Variants in WWOX observed in about 807,000 individuals in gnomAD.
WWOX encodes the protein WW domain-containing oxidoreductase.
Under a neutral mutation model 46.2 loss-of-function variants are expected in WWOX, and 69 were observed. The ratio of observed to expected loss-of-function variants is 1.49; its 90% CI spans 1.23 to 1.82. The LOEUF (loss-of-function observed/expected upper bound fraction) is 1.82. WWOX is among the 40% of genes most tolerant of loss of function. The pLI is 0.00. For missense variants in WWOX, 919 were observed against 542.6 expected, an observed-to-expected ratio of 1.69 and a Z score of -6.89; for synonymous variants, 359 against 202.6, an observed-to-expected ratio of 1.77 and a Z score of -6.56.
At chr16:78,605,769 A>C (rs2045741988) in intron 8 of WWOX, among the ~76,000 whole-genome samples, 1 of 152,214 alleles carries the variant, frequency 6.6e-6, no homozygotes, top group African/African-American at 2.4e-5. Flanking sequence ...GATAGGAAGA[A>C]GCTCTGATGA....
At chr16:78,650,398 G>C (rs1023633980) in intron 8 of WWOX, among the ~76,000 whole-genome samples, 1 of 152,130 alleles carries the variant, frequency 6.6e-6, no homozygotes, top group Non-Finnish European at 1.5e-5. Flanking sequence ...AATGAATACA[G>C]ATTCATTTTG....
intron 1 of WWOX, among the ~76,000 whole-genome samples, chr16:78,105,562 G>C (rs1300291783): frequency 1.3e-5 from 2 of 152,202 alleles, no homozygotes; most frequent in South Asian, 2.1e-4. Context: ...TAGGTTGACA[G>C]AGTTTGTTTT....
chr16:78,707,823 A>C (rs73571498), intron 8 of WWOX, among the ~76,000 whole-genome samples: 168 of 150,544 alleles, frequency 1.1e-3, no homozygotes, highest in African/African-American at 4.0e-3. Context: ...CTAGAGAGCG[A>C]GACTCTGTCT....
chr16:78,928,016 C>T (rs1470062341), intron 8 of WWOX, among the ~76,000 whole-genome samples: 1 of 151,962 alleles, frequency 6.6e-6, no homozygotes. Flanking sequence ...TATATGAAGT[C>T]TTGCTAGAAT....
intron 8 of WWOX, among the ~76,000 whole-genome samples, chr16:78,702,552 G>C (rs953561374): frequency 6.6e-5 from 10 of 151,944 alleles, no homozygotes; most frequent in Non-Finnish European, 1.3e-4. Context: ...TTGCTCGGGA[G>C]GCTGAGGCAG....
At chr16:78,669,695 A>C (rs2047415599) in intron 8 of WWOX, among the ~76,000 whole-genome samples, 1 of 152,212 alleles carries the variant, frequency 6.6e-6, no homozygotes, top group Admixed American at 6.5e-5. Flanking sequence ...GTTTGAGCTA[A>C]AAACTAGTTA....
chr16:78,633,498 G>T (rs534184887), intron 8 of WWOX, among the ~76,000 whole-genome samples: 42 of 152,276 alleles, frequency 2.8e-4, no homozygotes, highest in African/African-American at 9.4e-4. Flanking sequence ...CTTTGGTTAG[G>T]TCCTGCCCGT....
At chr16:78,289,155 T>C (rs1216213670) in intron 5 of WWOX, among the ~76,000 whole-genome samples, 1 of 152,174 alleles carries the variant, frequency 6.6e-6, no homozygotes, top group African/African-American at 2.4e-5. Context: ...TACTTGGTGC[T>C]GGCAGCGTCA....
chr16:78,552,454 G>A (rs2044196838), intron 8 of WWOX: 1 of 152,212 alleles, frequency 6.6e-6, no homozygotes, highest in Non-Finnish European at 1.5e-5. Context: ...GCTCCATGCT[G>A]GATATTTACC....
rs1024013572 is a variant in WWOX, at chr16:78,729,815, T to C, written c.1056+297063T>C. ...GAAACAGGATTTGAACCTACAGTTT[T>C]GAGGCCTGAACCTGCTATGCAGTGC... On this transcript the variant is annotated intron_variant, in intron 8 of 8. Coordinates refer to ENST00000566780, the MANE Select transcript of WWOX (RefSeq NM_016373.4). Among the ~76,000 whole-genome samples the C allele has an allele frequency of 7.9e-4, 120 of 152,208 alleles. 1 individual carries two copies. Among genetic ancestry groups the C allele is most frequent in the Admixed American group, 7.9e-3 (120 of 15,278 alleles).
chr16:78,428,355 A>C lies in WWOX; in HGVS notation c.791+3300A>C, dbSNP rs556199655. 3.3e-5 allele frequency among the ~76,000 whole-genome samples: 5 copies of C among 152,298 alleles called. No homozygotes were observed. The South Asian group carries it at 1.0e-3, about 32-fold the overall frequency. On this transcript the variant is annotated intron_variant, in intron 7 of 8. Coordinates refer to ENST00000566780, the MANE Select transcript of WWOX (RefSeq NM_016373.4). ...AAGCCGTTTCTGGCTCAGACAGATA[A>C]GAAGCTGGCCCACCCTTGCCACTTC... is the stretch of plus-strand genomic sequence containing the variant.
intron 8 of WWOX, among the ~76,000 whole-genome samples, chr16:78,639,600 G>A (rs1021477387): frequency 6.7e-6 from 1 of 150,094 alleles, no homozygotes. Flanking sequence ...TTTCACTCTT[G>A]TTGCACAGGC....
At chr16:78,386,829 T>G (rs1213315521) in intron 5 of WWOX, 31 bp from the exon 6 acceptor site, 13 of 1,587,568 alleles carry the variant, frequency 8.2e-6, no homozygotes, top group Non-Finnish European at 1.1e-5. Context: ...TGCTGTTATT[T>G]ATCATTTCTT....
intron 8 of WWOX, among the ~76,000 whole-genome samples, chr16:78,751,067 A>G (rs991136257): frequency 3.3e-5 from 5 of 152,190 alleles, no homozygotes; most frequent in East Asian, 3.9e-4. Flanking sequence ...GAAATCTCCA[A>G]TTTATTTTTC....
chr16:78,440,256 A>T (rs917961407), intron 8 of WWOX, among the ~76,000 whole-genome samples: 4 of 152,188 alleles, frequency 2.6e-5, no homozygotes, highest in African/African-American at 9.7e-5. Context: ...AAAGGCATCT[A>T]GTCTTCCCCG....
chr16:79,029,112 C>G (rs1437675706), intron 8 of WWOX, among the ~76,000 whole-genome samples: 2 of 152,126 alleles, frequency 1.3e-5, no homozygotes, highest in African/African-American at 4.8e-5. Context: ...TGAGGTATCT[C>G]AGGATAGCAA....
chr16:78,435,753 C>T lies in WWOX; in HGVS notation c.1056+3001C>T, dbSNP rs558278784. The stretch of plus-strand genomic sequence containing the variant: ...CCTGCTAATGGTGCTGATGGCTAAG[C>T]TCAGCTCTTACCCTTGACCACTGGA... On this transcript the variant is annotated intron_variant, in intron 8 of 8. Transcript: ENST00000566780. Among the ~76,000 whole-genome samples, 116 of 152,292 alleles carry T rather than the reference C, an allele frequency of 7.6e-4. 1 individual carries two copies. Among genetic ancestry groups the T allele is most frequent in the South Asian group, 1.7e-3 (8 of 4,826 alleles).
chr16:79,050,976 G>T (rs1290358952), intron 8 of WWOX, among the ~76,000 whole-genome samples: 1 of 152,220 alleles, frequency 6.6e-6, no homozygotes, highest in Non-Finnish European at 1.5e-5. Context: ...AGTGCTCCTT[G>T]TGAACACAAG....
chr16:78,312,697 A>G (rs776232162), intron 5 of WWOX, among the ~76,000 whole-genome samples: 1 of 152,146 alleles, frequency 6.6e-6, no homozygotes, highest in Non-Finnish European at 1.5e-5. Context: ...AATTCTAGCA[A>G]TCTCAGCAAC....
Sources: allele counts gnomAD v4.1 joint callset (sites outside exome capture counted in the v4.1 genomes callset), GRCh38; gene constraint gnomAD v4.1.1; transcripts MANE v1.5; gene names NCBI Gene and HGNC (gene_info 2026-07-23, HGNC 2026-07-21).